Variants in NFIB observed in about 807,000 individuals in gnomAD.
NFIB encodes nuclear factor 1 B-type.
Under a neutral mutation model 61.5 loss-of-function variants are expected in NFIB, and 11 were observed. The ratio of observed to expected loss-of-function variants is 0.18; its 90% CI spans 0.11 to 0.30. The LOEUF is 0.30. Ranked by LOEUF, NFIB falls within the 10% of genes least tolerant of loss-of-function variation. The probability of loss-of-function intolerance (pLI) is 1.00; values close to 1 mark genes in which losing one functional copy is unlikely to be tolerated. For missense variants in NFIB, 471 were observed against 608.9 expected (o/e 0.77, Z 2.38); for synonymous variants, 260 against 216.5 (o/e 1.20, Z -1.76).
At chr9:14,416,892 C>CTTTT in the NFIB span, among the ~76,000 whole-genome samples, 9 of 126,930 alleles carry the variant, frequency 7.1e-5, 1 homozygote, top group African/African-American at 2.7e-4. Flanking sequence ...ACTATTTTTA[C>CTTTT]TTTTTTTTTT....
Position 14,266,659 on chromosome 9 carries a change from TCTTA to T in NFIB, c.562+40326_562+40329del, listed in dbSNP as rs1295933549. 2.4e-3 allele frequency among the ~76,000 whole-genome samples: 367 copies of T among 152,162 alleles called. 2 individuals carry two copies. The highest frequency in any genetic ancestry group is 0.022 in the Admixed American group (333 of 15,280). On this transcript the variant is annotated intron_variant, in intron 2 of 10. Transcript: ENST00000380953. ...ATGCTTCCCTCGGATCTCCTCTTCC[TCTTA>T]TATGCCCCATTTTTGTGGCCCATCT...
intron 1 of NFIB, chr9:14,362,167 A>G (rs565887305): frequency 6.6e-6 from 1 of 152,202 alleles, no homozygotes; most frequent in Non-Finnish European, 1.5e-5. Context: ...TTTAAAAAAG[A>G]AAAAATCAAA....
chr9:14,282,701 T>G (rs183851577), intron 2 of NFIB, among the ~76,000 whole-genome samples: 3 of 152,330 alleles, frequency 2.0e-5, no homozygotes, highest in African/African-American at 7.2e-5. Flanking sequence ...TTTTTACAGA[T>G]CAGGAAACAG....
chr9:14,429,248 G>T, the NFIB span, among the ~76,000 whole-genome samples: 2 of 152,172 alleles, frequency 1.3e-5, no homozygotes, highest in Non-Finnish European at 2.9e-5. Flanking sequence ...AAGGGAAGGG[G>T]AGTACTGGTC....
At chr9:14,254,643 A>G (rs527756963) in intron 2 of NFIB, among the ~76,000 whole-genome samples, 5 of 152,346 alleles carry the variant, frequency 3.3e-5, no homozygotes, top group Non-Finnish European at 7.3e-5. Flanking sequence ...CCAAAAGCCC[A>G]TCTGCTATAA....
chr9:14,298,406 A>G lies in NFIB; in HGVS notation c.562+8583T>C, dbSNP rs193258348. Among the ~76,000 whole-genome samples the G allele has an allele frequency of 6.9e-4, 105 of 152,308 alleles. 4 individuals are homozygous for G. In the East Asian group the frequency reaches 0.02, roughly 29 times the overall value. On this transcript the variant is annotated intron_variant, in intron 2 of 10. Transcript: ENST00000380953. ...TATTAAAGAAACCATAAATATAAAA[A>G]GCTGAAAAGTCAACCTCAGACGAGT...
At chr9:14,140,400 T>C (rs1005323153) in intron 6 of NFIB, among the ~76,000 whole-genome samples, 24 of 152,150 alleles carry the variant, frequency 1.6e-4, no homozygotes, top group Admixed American at 2.6e-4. Flanking sequence ...GGGCCTAGGA[T>C]TAATGCTCCC....
Position 14,087,995 on chromosome 9 carries a change from A to G in NFIB, c.*314T>C, listed in dbSNP as rs2033121754. ...GGGGCTGCGATCTACCATCAGTGAA[A>G]TATCATCGACCCTTTTTATGTCATT... On this transcript the variant is annotated 3_prime_UTR_variant, in exon 11 of 11. Transcript: ENST00000380953. 1.1e-5 allele frequency: 4 copies of G among 350,656 alleles called. No individual in the cohort carries two copies. The highest frequency in any genetic ancestry group is 1.9e-5 in the Non-Finnish European group (4 of 205,434). The allele number at this position is 350,656 out of a possible 1,614,324, so 21.7% of individuals were successfully genotyped here.
chr9:14,091,070 C>T (rs907729098), intron 10 of NFIB, among the ~76,000 whole-genome samples: 12 of 151,844 alleles, frequency 7.9e-5, no homozygotes, highest in Non-Finnish European at 1.6e-4. Context: ...ACATTATGAC[C>T]ATATCAAAAT....
chr9:14,083,479 TA>T lies in NFIB; in HGVS notation c.*4829del, dbSNP rs33918801. The T allele has an allele frequency of 0.12, 16,305 of 134,708 alleles. 708 individuals are homozygous for T. The highest frequency in any genetic ancestry group is 0.23 in the African/African-American group (7,061 of 30,566). 8.3% of individuals were successfully genotyped at this position (134,708 alleles called of 1,614,324 possible). On this transcript the variant is annotated 3_prime_UTR_variant, in exon 11 of 11. Transcript: ENST00000380953. ...TATTGAACTTGAATAGCCTGCACAT[TA>T]AAAAAAAAAAAAAAAAAAAAGTTTT...
chr9:14,351,626 C>G (rs894744156), intron 1 of NFIB, among the ~76,000 whole-genome samples: 9 of 152,336 alleles, frequency 5.9e-5, no homozygotes, highest in Middle Eastern at 3.4e-3. Flanking sequence ...ATTCAGCTAT[C>G]TCCAGCCCTT....
At chr9:14,509,824 G>C in the NFIB span, among the ~76,000 whole-genome samples, 1 of 152,192 alleles carries the variant, frequency 6.6e-6, no homozygotes, top group Admixed American at 6.5e-5. Flanking sequence ...GGTGTGGTAA[G>C]TTCTTGGAGC....
chr9:14,125,903 G>T, intron 6 of NFIB, 137 bp from the exon 7 acceptor site: 1 of 1,155,724 alleles, frequency 8.7e-7, no homozygotes, highest in Non-Finnish European at 1.2e-6. Flanking sequence ...TATTCTGAGT[G>T]TCAACGATCC....
intron 2 of NFIB, among the ~76,000 whole-genome samples, chr9:14,189,296 T>C (rs974548842): frequency 3.3e-5 from 5 of 152,338 alleles, no homozygotes; most frequent in South Asian, 2.1e-4. Flanking sequence ...GAGCAGGACA[T>C]GTTCTCTCCA....
Position 14,380,921 on chromosome 9 carries a change from C to G in NFIB, c.108+17603G>C, listed in dbSNP as rs185252615. ...TCATCTGTTCTTCCAGCACTCAGAT[C>G]TCCTCCATACTGAGTGGAGGCCCCT... is the stretch of plus-strand genomic sequence containing the variant. On this transcript the variant is annotated intron_variant, in intron 1 of 8. Coordinates refer to the NFIB transcript ENST00000380934. 9.1e-4 allele frequency among the ~76,000 whole-genome samples: 139 copies of G among 152,002 alleles called. 1 individual carries two copies. The highest frequency in any genetic ancestry group is 3.2e-3 in the African/African-American group (132 of 41,504).
intron 1 of NFIB, among the ~76,000 whole-genome samples, chr9:14,320,744 C>A (rs932222905): frequency 1.3e-5 from 2 of 152,168 alleles, no homozygotes; most frequent in African/African-American, 4.8e-5. Context: ...CATAAGCATG[C>A]GTGTGTTACT....
At chr9:14,322,843 G>C (rs547162620) in intron 1 of NFIB, among the ~76,000 whole-genome samples, 1 of 152,028 alleles carries the variant, frequency 6.6e-6, no homozygotes, top group African/African-American at 2.4e-5. Context: ...TGGGGCCGGA[G>C]AGCGGCGAGG....
chr9:14,167,578 G>A (rs1224975165), intron 3 of NFIB, among the ~76,000 whole-genome samples: 3 of 151,958 alleles, frequency 2.0e-5, no homozygotes, highest in Non-Finnish European at 4.4e-5. Context: ...TCATCTAACT[G>A]TACACTATAT....
intron 2 of NFIB, among the ~76,000 whole-genome samples, chr9:14,232,209 G>A (rs2053271508): frequency 6.6e-6 from 1 of 152,144 alleles, no homozygotes; most frequent in African/African-American, 2.4e-5. Flanking sequence ...ATGCCATGGT[G>A]GGCAAGTCAA....
Sources: gnomAD v4.1 joint callset for allele counts (sites outside exome capture counted in the v4.1 genomes callset) on GRCh38, gnomAD v4.1.1 for gene constraint, MANE v1.5 for transcripts, NCBI Gene and HGNC (gene_info 2026-07-23, HGNC 2026-07-21) for gene names.